FSIP2: variants seen among roughly 807,000 people sequenced by gnomAD.
The protein encoded by FSIP2 is fibrous sheath interacting protein 2.
FSIP2 carries 367 observed loss-of-function variants against 510.5 expected under a neutral mutation model. That is an observed-to-expected ratio of 0.72 (90% confidence interval 0.66 to 0.78). The LOEUF is 0.78. Among genes scored for constraint, FSIP2 ranks in the 30% least tolerant of loss-of-function variants. FSIP2 has a pLI of 0.00. For synonymous variants in FSIP2, 2,601 were observed against 2,732.2 expected (o/e 0.95, Z 1.50); for missense variants, 7,594 against 7,901.7 (o/e 0.96, Z 1.48).
chr2:185,831,933 T>C lies in FSIP2; in HGVS notation c.20587+51T>C, dbSNP rs762048581. On this transcript the variant is annotated intron_variant, in intron 22 of 22. Coordinates refer to ENST00000424728, the MANE Select transcript of FSIP2 (RefSeq NM_173651.4). ...TGGTGTAATTAAACTGTCAATTGCA[T>C]CATTTTGAATTTAGAATTTTTTATT... 6 of 1,107,354 alleles carry C rather than the reference T, an allele frequency of 5.4e-6. No individual in the cohort carries two copies. The South Asian group carries it at 6.3e-5, about 12-fold the overall frequency. 68.6% of individuals were successfully genotyped at this position (1,107,354 alleles called of 1,614,324 possible). A position where few individuals can be genotyped will look rare whatever the true frequency, so the allele number is the denominator to read the frequency against.
intron 1 of FSIP2, 89 bp downstream of exon 1, chr2:185,739,082 AGGC>A: frequency 7.0e-7 from 1 of 1,423,574 alleles, no homozygotes; most frequent in Non-Finnish European, 9.2e-7. Context: ...ACGGGTCGCG[AGGC>A]TCCCAACTGT....
Position 185,813,886 on chromosome 2 carries a change from C to A in FSIP2, c.20169C>A (p.Ala6723=). Residue 6723 remains alanine (A), a synonymous_variant, in exon 18 of 23, where the codon GCC becomes GCA. Transcript: ENST00000424728. The part of the protein sequence containing the change: ...LSLSKCCQTT[A]SANIESTEAI... ...TAAGTAAATGTTGTCAGACCACAGC[C>A]AGTGCAAATATTGAAAGTACTGAAG... is the stretch of plus-strand genomic sequence containing the variant. 1 of 1,613,680 alleles carries A rather than the reference C, an allele frequency of 6.2e-7. No individual in the cohort carries two copies. Among genetic ancestry groups the A allele is most frequent in the South Asian group, 1.1e-5 (1 of 91,070 alleles).
In FSIP2 at chr2:185,793,112, C is replaced by G. The variant is rs996210608; in HGVS notation, c.5976C>G (p.Cys1992Trp). 6.5e-5 allele frequency: 99 copies of G among 1,534,176 alleles called. No homozygotes were observed. Among genetic ancestry groups the G allele is most frequent in the Non-Finnish European group, 8.6e-5 (99 of 1,145,664 alleles). Residue 1992 changes from cysteine to tryptophan, a missense_variant, in exon 16 of 23, where the codon TGC becomes TGG. Transcript: ENST00000424728. ...CCAAGTCAGGAAAGACCAACTTGTG[C>G]CAACTGTCTTTGTCTAAATTAAATA... ...DHTKSGKTNL[C>W]QLSLSKLNTY... is the part of the protein sequence containing the mutation.
intron 17 of FSIP2, among the ~76,000 whole-genome samples, chr2:185,813,198 G>A (rs945994456): frequency 7.9e-5 from 12 of 151,810 alleles, no homozygotes; most frequent in Non-Finnish European, 1.6e-4. Flanking sequence ...TCCTTACCTA[G>A]GATTTTGGAA....
Position 185,801,839 on chromosome 2 carries a change from C to T in FSIP2, c.12533C>T (p.Ser4178Phe). The part of the protein sequence containing the change: ...YLMSSDFNEM[S>F]TCIINKVMSA... ...ATGAGTTCTGATTTTAATGAAATGT[C>T]CACTTGTATAATAAATAAGGTTATG... is the stretch of plus-strand genomic sequence containing the variant. Residue 4178 changes from serine (S) to phenylalanine (F), a missense_variant, in exon 17 of 23, where the codon TCC becomes TTC. Ser to Phe is a radical substitution (Grantham distance 155). Coordinates refer to ENST00000424728, the MANE Select transcript of FSIP2 (RefSeq NM_173651.4). The T allele has an allele frequency of 6.7e-7, 1 of 1,484,668 alleles. No individual in the cohort carries two copies. The highest frequency in any genetic ancestry group is 8.9e-7 in the Non-Finnish European group (1 of 1,120,382). The allele number at this position is 1,484,668 out of a possible 1,614,324, so 92.0% of individuals were successfully genotyped here.
chr2:185,802,456 C>T lies in FSIP2; in HGVS notation c.13150C>T (p.Gln4384Ter). 3 of 1,533,912 alleles carry T rather than the reference C, an allele frequency of 2.0e-6. No homozygotes were observed. The highest frequency in any genetic ancestry group is 2.6e-6 in the Non-Finnish European group (3 of 1,145,422). ...ATSVYRNALKQHGLDLAVDKE... is the reference protein window; with the variant it reads ...ATSVYRNALK ...CTCAGTTTATAGAAATGCTTTAAAG[C>T]AGCATGGGCTAGACCTTGCTGTTGA... Residue 4384 changes from glutamine to a stop codon, truncating the protein, a stop_gained, in exon 17 of 23, where the codon CAG (glutamine) becomes TAG (stop). Transcript: ENST00000424728. LOFTEE classifies it high-confidence loss of function.
At chr2:185,753,950 CCAGA>C in intron 8 of FSIP2, 108 bp downstream of exon 8, 1 of 717,800 alleles carries the variant, frequency 1.4e-6, no homozygotes, top group Non-Finnish European at 2.0e-6. Flanking sequence ...TCCCTTTGTG[CCAGA>C]CATTGTTCTA....
chr2:185,806,870 T>C lies in FSIP2; in HGVS notation c.17564T>C (p.Phe5855Ser). 1 of 1,608,510 alleles carries C rather than the reference T, an allele frequency of 6.2e-7. No individual in the cohort carries two copies. The highest frequency in any genetic ancestry group is 8.5e-7 in the Non-Finnish European group (1 of 1,177,832). ...KVFRPDKGNQ[F>S]PGGKVSSVPK... ...TTCAGGCCAGATAAGGGAAATCAGT[T>C]CCCTGGGGGTAAAGTGTCTTCAGTT... is the stretch of plus-strand genomic sequence containing the variant. The change falls in exon 17 of 23, where the codon TTC (phenylalanine) becomes TCC (serine). Residue 5855 changes from phenylalanine (F) to serine (S), a missense_variant. Phe to Ser is a radical substitution (Grantham distance 155, BLOSUM62 -2). Transcript: ENST00000424728.
chr2:185,771,785 T>G (rs1343401006), intron 13 of FSIP2, among the ~76,000 whole-genome samples: 2 of 152,214 alleles, frequency 1.3e-5, no homozygotes, highest in East Asian at 1.9e-4. Flanking sequence ...ATTTCTGTCT[T>G]GAAAACACCC....
upstream of FSIP2, chr2:185,738,455 T>G: frequency 4.5e-6 from 3 of 673,334 alleles, no homozygotes; most frequent in Non-Finnish European, 2.5e-6. Context: ...AGCCTGGGGA[T>G]GGGGTGTGGT....
At position 185,786,298 on chromosome 2, in the gene FSIP2, A is replaced by C; in HGVS notation, c.1506+10A>C. The stretch of plus-strand genomic sequence containing the variant: ...TTGCTTGCAAGAAAAAGTATGTATC[A>C]TAAAATCCACCGAGAAAGCAACATA... On this transcript the variant is annotated intron_variant, in intron 15 of 22. Transcript: ENST00000424728. The C allele has an allele frequency of 6.6e-7, 1 of 1,515,688 alleles. No individual in the cohort carries two copies. The highest frequency in any genetic ancestry group is 8.8e-7 in the Non-Finnish European group (1 of 1,132,344). 93.9% of individuals were successfully genotyped at this position (1,515,688 alleles called of 1,614,324 possible).
chr2:185,807,516 A>T lies in FSIP2; in HGVS notation c.18210A>T (p.Val6070=). 6.2e-7 allele frequency: 1 copy of T among 1,611,582 alleles called. No individual in the cohort carries two copies. The highest frequency in any genetic ancestry group is 1.1e-5 in the South Asian group (1 of 90,824). Residue 6070 remains valine, a synonymous_variant, in exon 17 of 23, where the codon GTA becomes GTT. Transcript: ENST00000424728. ...SQDKYMTIQY[V]ETLQSDDDEI... ...ATAAATATATGACTATACAGTATGT[A>T]GAAACCTTACAATCTGATGATGATG...
At chr2:185,765,482 TGTTC>T (rs1342255615) in intron 13 of FSIP2, 3 of 152,076 alleles carry the variant, frequency 2.0e-5, no homozygotes, top group Non-Finnish European at 4.4e-5. Flanking sequence ...CTGAGGGCTC[TGTTC>T]TGTTCCATTG....
At chr2:185,832,691 T>G (rs1307271320) in intron 22 of FSIP2, among the ~76,000 whole-genome samples, 2 of 151,908 alleles carry the variant, frequency 1.3e-5, no homozygotes, top group African/African-American at 4.8e-5. Context: ...TTTTATTACC[T>G]ACACAGTCCT....
intron 18 of FSIP2, 48 bp from the exon 19 acceptor site, chr2:185,815,323 T>C: frequency 2.3e-6 from 2 of 860,388 alleles, no homozygotes; most frequent in Non-Finnish European, 1.9e-6. Context: ...GGTAAGAAAA[T>C]ATATCCCAAA....
chr2:185,738,200 C>G, upstream of FSIP2: 1 of 216,232 alleles, frequency 4.6e-6, no homozygotes, highest in Non-Finnish European at 9.4e-6. Context: ...GTGTCCTGCC[C>G]AGTGCTTAGC....
intron 13 of FSIP2, among the ~76,000 whole-genome samples, chr2:185,768,535 C>A (rs575121694): frequency 2.0e-4 from 30 of 152,022 alleles, no homozygotes; most frequent in African/African-American, 7.2e-4. Context: ...CCTATTGTTT[C>A]TTTTTTATGT....
chr2:185,751,027 G>A (rs897724821), intron 7 of FSIP2, among the ~76,000 whole-genome samples: 3 of 151,256 alleles, frequency 2.0e-5, no homozygotes, highest in Non-Finnish European at 4.4e-5. Flanking sequence ...GGTAAATTAC[G>A]AATGTACACC....
In FSIP2 at chr2:185,763,216, T is replaced by G. The variant is rs17228441; in HGVS notation, c.1274T>G (p.Ile425Ser). 6.6e-7 allele frequency: 1 copy of G among 1,509,996 alleles called. No individual in the cohort carries two copies. Among genetic ancestry groups the G allele is most frequent in the Non-Finnish European group, 8.9e-7 (1 of 1,124,084 alleles). 93.5% of individuals were successfully genotyped at this position (1,509,996 alleles called of 1,614,324 possible). ...AATATTTCAGGCCAAGGTTCAATTATTTCAGCGCAGGTATCACCCACGAGA... is the reference window on the plus strand; with the variant it reads ...AATATTTCAGGCCAAGGTTCAATTAGTTCAGCGCAGGTATCACCCACGAGA... Reference protein sequence around the residue: ...GINISGQGSIISAQVSPTRNF... With the variant: ...GINISGQGSISSAQVSPTRNF... The change falls in exon 12 of 23, where the codon ATT (isoleucine) becomes AGT (serine). Residue 425 changes from isoleucine (I) to serine (S), a missense_variant. Coordinates refer to ENST00000424728, the MANE Select transcript of FSIP2 (RefSeq NM_173651.4).
Sources: allele counts gnomAD v4.1 joint callset (sites outside exome capture counted in the v4.1 genomes callset), GRCh38; gene constraint gnomAD v4.1.1; transcripts MANE v1.5; gene names NCBI Gene and HGNC (gene_info 2026-07-23, HGNC 2026-07-21).